Variants in BAIAP2 observed in about 807,000 individuals in gnomAD.
The protein encoded by BAIAP2 is BAR/IMD domain-containing adapter protein 2.
BAIAP2 carries 18 observed loss-of-function variants against 63.0 expected under a neutral mutation model. The observed-to-expected ratio is 0.29, with a 90% CI of 0.20 to 0.42. The LOEUF is 0.42. BAIAP2 is among the 10% of genes least tolerant of loss of function. The pLI is 1.00. For missense variants in BAIAP2, 610 were observed against 734.3 expected, an observed-to-expected ratio of 0.83 and a Z score of 1.96; for synonymous variants, 386 against 307.6, an observed-to-expected ratio of 1.25 and a Z score of -2.67.
chr17:81,052,167 C>G (rs991615206), intron 1 of BAIAP2, among the ~76,000 whole-genome samples: 1 of 152,248 alleles, frequency 6.6e-6, no homozygotes. Flanking sequence ...ACCATGGGCC[C>G]TGCCTCGGGG....
chr17:81,049,559 G>C (rs1038186962), intron 1 of BAIAP2, among the ~76,000 whole-genome samples: 1 of 152,182 alleles, frequency 6.6e-6, no homozygotes, highest in Non-Finnish European at 1.5e-5. Flanking sequence ...CCCTGCCCCA[G>C]CACTGTCAGG....
At chr17:81,099,905 C>T (rs2058262883) in intron 6 of BAIAP2, 23 bp from the exon 7 acceptor site, 1 of 1,607,520 alleles carries the variant, frequency 6.2e-7, no homozygotes, top group Admixed American at 1.7e-5. Context: ...GCTGGCTGAG[C>T]CTTTCTCCCT....
chr17:81,111,018 C>T, intron 13 of BAIAP2: 1 of 1,600,578 alleles, frequency 6.2e-7, no homozygotes, highest in South Asian at 1.1e-5. Context: ...TCCACGGGCC[C>T]TCTGGCCTCA....
chr17:81,093,029 C>G (rs1035503198), intron 6 of BAIAP2, among the ~76,000 whole-genome samples: 22 of 151,936 alleles, frequency 1.4e-4, no homozygotes, highest in African/African-American at 5.1e-4. Flanking sequence ...TCCACATGCC[C>G]CATCCTGCAT....
At chr17:81,080,911 G>A (rs1437365774) in intron 3 of BAIAP2, among the ~76,000 whole-genome samples, 1 of 152,202 alleles carries the variant, frequency 6.6e-6, no homozygotes, top group Non-Finnish European at 1.5e-5. Flanking sequence ...GTTGTCTTGG[G>A]CCTTTTGCTT....
At chr17:81,041,951 T>C (rs945726255) in intron 1 of BAIAP2, among the ~76,000 whole-genome samples, 1 of 152,146 alleles carries the variant, frequency 6.6e-6, no homozygotes, top group Non-Finnish European at 1.5e-5. Flanking sequence ...AACTTATTTT[T>C]CATGAAGAGT....
At chr17:81,084,941 G>A (rs1359322521) in intron 4 of BAIAP2, 48 bp downstream of exon 4, 4 of 1,588,180 alleles carry the variant, frequency 2.5e-6, no homozygotes, top group Non-Finnish European at 3.5e-6. Context: ...AGGTGCGACG[G>A]GAGAGCTGGC....
intron 6 of BAIAP2, among the ~76,000 whole-genome samples, chr17:81,093,649 T>TG (rs1223279731): frequency 1.3e-5 from 2 of 151,902 alleles, no homozygotes. Context: ...AGGGGGCTGG[T>TG]GGGGGGCATT....
At chr17:81,096,451 A>G (rs978716747) in intron 6 of BAIAP2, among the ~76,000 whole-genome samples, 4 of 152,206 alleles carry the variant, frequency 2.6e-5, no homozygotes, top group Non-Finnish European at 4.4e-5. Context: ...GGCCACTCAG[A>G]GCCTGGAGGC....
At chr17:81,085,447 C>G (rs773653993) in intron 4 of BAIAP2, 27 of 687,546 alleles carry the variant, frequency 3.9e-5, no homozygotes, top group South Asian at 3.6e-4. Flanking sequence ...GTCCGACGTT[C>G]CAGACTCCTG....
intron 3 of BAIAP2, among the ~76,000 whole-genome samples, chr17:81,065,288 G>A (rs1327893617): frequency 1.3e-5 from 2 of 152,134 alleles, no homozygotes; most frequent in African/African-American, 2.4e-5. Flanking sequence ...GGTCACAGAA[G>A]CAGTGCTGTG....
chr17:81,095,390 C>A (rs1204305695), intron 6 of BAIAP2, among the ~76,000 whole-genome samples: 1 of 152,172 alleles, frequency 6.6e-6, no homozygotes, highest in East Asian at 1.9e-4. Context: ...GTGCTGGCCG[C>A]CACCTCCTCT....
At chr17:81,040,658 C>G (rs371381382) in intron 1 of BAIAP2, among the ~76,000 whole-genome samples, 2 of 152,274 alleles carry the variant, frequency 1.3e-5, no homozygotes, top group African/African-American at 4.8e-5. Flanking sequence ...GCTTGAATCA[C>G]TGTCCCGCCT....
chr17:81,112,583 G>A lies in BAIAP2; in HGVS notation c.1536-3187G>A, dbSNP rs114063804. 5.1e-3 allele frequency among the ~76,000 whole-genome samples: 782 copies of A among 152,364 alleles called. 7 individuals carry two copies. The highest frequency in any genetic ancestry group is 0.016 in the African/African-American group (668 of 41,592). On this transcript the variant is annotated intron_variant, in intron 13 of 13. Transcript: ENST00000428708. Reference sequence around the variant, plus strand: ...AGGCCCAAGCGCCCACGCTGGACCCGATTCCAGAAGGGCCCACCTTCTGAA... The same window carrying A: ...AGGCCCAAGCGCCCACGCTGGACCCAATTCCAGAAGGGCCCACCTTCTGAA...
intron 3 of BAIAP2, among the ~76,000 whole-genome samples, chr17:81,071,254 G>A (rs978685174): frequency 1.6e-4 from 24 of 152,210 alleles, no homozygotes; most frequent in Non-Finnish European, 2.6e-4. Context: ...CCGAGGTGGC[G>A]TCCTTGGGCT....
chr17:81,058,613 C>T (rs751542505), intron 3 of BAIAP2, among the ~76,000 whole-genome samples: 15 of 152,174 alleles, frequency 9.9e-5, no homozygotes, highest in Non-Finnish European at 1.2e-4. Flanking sequence ...GGGCCGGCTG[C>T]CTGTGCTCAC....
Position 81,115,799 on chromosome 17 carries a change from C to A in BAIAP2, c.1565C>A (p.Pro522Gln), listed in dbSNP as rs762234702. 1 of 1,613,556 alleles carries A rather than the reference C, an allele frequency of 6.2e-7. No individual in the cohort carries two copies. The highest frequency in any genetic ancestry group is 1.1e-5 in the South Asian group (1 of 91,088). ...RNPFAHVQLK[P>Q]TVTNDRSAPL... ...CCCTTTGCCCACGTCCAGCTGAAGC[C>A]GACAGTGACCAACGACAGGTCTGCC... The change falls in exon 14 of 14, where the codon CCG (proline) becomes CAG (glutamine). Residue 522 changes from proline to glutamine, a missense_variant. Physicochemically the swap from Pro to Gln is moderately conservative, Grantham distance 76 (BLOSUM62 -1). Around this residue, in one of 5 missense-constraint regions of BAIAP2, gnomAD observed 114 missense variants for 98.2 expected, o/e 1.16. Coordinates refer to ENST00000428708, the MANE Select transcript of BAIAP2 (RefSeq NM_001144888.2).
At chr17:81,037,830 C>T (rs1012768128) in intron 1 of BAIAP2, among the ~76,000 whole-genome samples, 2 of 152,250 alleles carry the variant, frequency 1.3e-5, no homozygotes, top group South Asian at 2.1e-4. Flanking sequence ...CAAAGGAGGA[C>T]GCTTGTCCTT....
chr17:81,097,958 A>G (rs936609938), intron 6 of BAIAP2, among the ~76,000 whole-genome samples: 1 of 152,168 alleles, frequency 6.6e-6, no homozygotes, highest in Non-Finnish European at 1.5e-5. Context: ...GTCCCAGTCG[A>G]GCCCTCCCAC....
Sources: gnomAD v4.1 joint callset for allele counts (sites outside exome capture counted in the v4.1 genomes callset) on GRCh38, gnomAD v4.1.1 for gene constraint, gnomAD v4.1.1 regional missense constraint, MANE v1.5 for transcripts, NCBI Gene and HGNC (gene_info 2026-07-23, HGNC 2026-07-21) for gene names.